RAPH1: variants seen among roughly 807,000 people sequenced by gnomAD.
RAPH1 encodes Ras association (RalGDS/AF-6) and pleckstrin homology domains 1.
Under a neutral mutation model 88.1 loss-of-function variants are expected in RAPH1, and 18 were observed. That is an observed-to-expected ratio of 0.20 (90% CI 0.14 to 0.30). The LOEUF is 0.30. Ranked by LOEUF, RAPH1 falls within the 10% of genes least tolerant of loss-of-function variation. RAPH1 has a pLI of 1.00. For synonymous variants in RAPH1, 587 were observed against 559.0 expected (o/e 1.05, Z -0.71); for missense variants, 1,448 against 1,543.2 (o/e 0.94, Z 1.03).
chr2:203,505,944 G>C (rs966727677), intron 1 of RAPH1, among the ~76,000 whole-genome samples: 4 of 152,176 alleles, frequency 2.6e-5, no homozygotes, highest in South Asian at 2.1e-4. Flanking sequence ...CTGATGTTGT[G>C]CATGTCCACT....
intron 4 of RAPH1, among the ~76,000 whole-genome samples, chr2:203,474,407 G>C (rs1478015470): frequency 6.6e-6 from 1 of 152,212 alleles, no homozygotes; most frequent in Non-Finnish European, 1.5e-5. Context: ...GAGAGTCGCA[G>C]AGATGGGAAA....
At chr2:203,441,840 C>T in intron 13 of RAPH1, 2 of 1,329,632 alleles carry the variant, frequency 1.5e-6, no homozygotes, top group Non-Finnish European at 9.6e-7. Context: ...TCCATGACTG[C>T]ATCCACATCA....
At chr2:203,531,363 C>T (rs1442561856) in intron 1 of RAPH1, among the ~76,000 whole-genome samples, 1 of 152,016 alleles carries the variant, frequency 6.6e-6, no homozygotes, top group Non-Finnish European at 1.5e-5. Flanking sequence ...ATGTAACAAA[C>T]CTGCACGTTG....
chr2:203,470,336 A>G (rs757960451), intron 4 of RAPH1: 7 of 1,559,396 alleles, frequency 4.5e-6, no homozygotes, highest in Non-Finnish European at 6.1e-6. Context: ...AGAGAAAAAC[A>G]AACAAAAAAA....
rs1324524862 is a variant in RAPH1 at position 203,459,908 on chromosome 2, T to G, written c.1091A>C (p.Gln364Pro). ...CCTCTGTAAGTTGTTTGGTCTTACCTGTGGGTTTTTGAAAAGTGCATATTT... is the reference window on the plus strand; with the variant it reads ...CCTCTGTAAGTTGTTTGGTCTTACCGGTGGGTTTTTGAAAAGTGCATATTT... The part of the protein sequence containing the change: ...IEKYALFKNP[Q>P]NYLLGKKETA... Residue 364 changes from glutamine to proline, a missense_variant and splice_region_variant, in exon 7 of 14, where the codon CAG becomes CCG. Around this residue, in one of 2 missense-constraint regions of RAPH1, gnomAD observed 513 missense variants for 653.1 expected, o/e 0.79. Transcript: ENST00000319170. 6.2e-7 allele frequency: 1 copy of G among 1,612,554 alleles called. No homozygotes were observed. Among genetic ancestry groups the G allele is most frequent in the Non-Finnish European group, 8.5e-7 (1 of 1,179,436 alleles).
At position 203,490,010 on chromosome 2, in the gene RAPH1, G is replaced by A. The variant is rs1299637968; in HGVS notation, c.306C>T (p.Ser102=). Residue 102 remains serine (S), a synonymous_variant, in exon 4 of 14, where the codon AGC becomes AGT. Coordinates refer to ENST00000319170, the MANE Select transcript of RAPH1 (RefSeq NM_213589.3). ...DLCSIEQELS[S]IGSGNSKRQI... is the part of the protein sequence containing the mutation. ...GACGCTTACTGTTTCCTGAACCAAT[G>A]CTGCTGAGCTCCTGCTCTATAGAGC... is the stretch of plus-strand genomic sequence containing the variant. The A allele has an allele frequency of 3.1e-6, 5 of 1,614,176 alleles. No homozygotes were observed. In the South Asian group the frequency reaches 3.3e-5, roughly 11 times the overall value.
intron 1 of RAPH1, among the ~76,000 whole-genome samples, chr2:203,521,634 A>T (rs909506631): frequency 6.6e-6 from 1 of 151,754 alleles, no homozygotes; most frequent in African/African-American, 2.4e-5. Context: ...TTTCAAAATT[A>T]AAAACAAATT....
At chr2:203,469,288 C>A (rs913319407) in intron 4 of RAPH1, among the ~76,000 whole-genome samples, 3 of 152,174 alleles carry the variant, frequency 2.0e-5, no homozygotes, top group South Asian at 2.1e-4. Context: ...TTCTACACTT[C>A]CCTGATCTTT....
At position 203,445,137 on chromosome 2, in the gene RAPH1, CTCATTTCATCA is replaced by C. The variant is rs1474258099; in HGVS notation, c.1634-138_1634-128del. 18 of 698,934 alleles carry C rather than the reference CTCATTTCATCA, an allele frequency of 2.6e-5. No individual in the cohort carries two copies. In the African/African-American group the frequency reaches 3.1e-4, roughly 12 times the overall value. 43.3% of individuals were successfully genotyped at this position (698,934 alleles called of 1,614,324 possible). On this transcript the variant is annotated intron_variant, in intron 12 of 13. Coordinates refer to ENST00000319170, the MANE Select transcript of RAPH1 (RefSeq NM_213589.3). ...TGTACAACAGCACCAAGTTATTTTA[CTCATTTCATCA>C]TAAACACAGCCAGTATTTTCTACTA...
In RAPH1 at chr2:203,444,919, G is replaced by A. The variant is rs377610950; in HGVS notation, c.1725C>T (p.Ser575=). 1.9e-5 allele frequency: 30 copies of A among 1,614,054 alleles called. No individual in the cohort carries two copies. In the South Asian group the frequency reaches 2.5e-4, roughly 14 times the overall value. The change falls in exon 13 of 14, where the codon TCC becomes TCT. Residue 575 remains serine (S), a synonymous_variant. Transcript: ENST00000319170. ...CTCGTTTCCAGGCTTCAGAGAATACGGAGCTCACAATGCTCTGGGAACGGA... is the reference window on the plus strand; with the variant it reads ...CTCGTTTCCAGGCTTCAGAGAATACAGAGCTCACAATGCTCTGGGAACGGA... ...GHVRSQSIVS[S]VFSEAWKRGT...
chr2:203,522,405 C>T (rs1581407708), intron 1 of RAPH1, among the ~76,000 whole-genome samples: 1 of 152,190 alleles, frequency 6.6e-6, no homozygotes, highest in East Asian at 1.9e-4. Flanking sequence ...ATAAACATTG[C>T]TGTGTAAGCT....
At chr2:203,531,948 CTCAAGGCAGCATTAT>C (rs1313902827) in intron 1 of RAPH1, among the ~76,000 whole-genome samples, 1 of 152,174 alleles carries the variant, frequency 6.6e-6, no homozygotes, top group African/African-American at 2.4e-5. Flanking sequence ...TATACCAATA[CTCAAGGCAGCATTAT>C]TCACAGTACC....
rs1342305421 is a variant in RAPH1, at chr2:203,438,077, C to T, written c.*1360G>A. The stretch of plus-strand genomic sequence containing the variant: ...ACTGACTCCACGTTATACCAAACTG[C>T]ACACGCATAAAACGTAATGTCAGTT... On this transcript the variant is annotated 3_prime_UTR_variant, in exon 14 of 14. Transcript: ENST00000319170. The T allele has an allele frequency of 2.0e-6, 1 of 507,084 alleles. No homozygotes were observed. Among genetic ancestry groups the T allele is most frequent in the East Asian group, 5.6e-5 (1 of 17,990 alleles). The allele number at this position is 507,084 out of a possible 1,614,324, so 31.4% of individuals were successfully genotyped here.
At chr2:203,528,299 C>T (rs991748352) in intron 1 of RAPH1, among the ~76,000 whole-genome samples, 1 of 152,048 alleles carries the variant, frequency 6.6e-6, no homozygotes, top group African/African-American at 2.4e-5. Flanking sequence ...TATCTACACA[C>T]TCTAAGAACA....
chr2:203,489,744 G>A lies in RAPH1; in HGVS notation c.572C>T (p.Ala191Val), dbSNP rs1331420008. Residue 191 changes from alanine to valine, a missense_variant, in exon 4 of 14, where the codon GCG becomes GTG. Coordinates refer to ENST00000319170, the MANE Select transcript of RAPH1 (RefSeq NM_213589.3). Reference sequence around the variant, plus strand: ...AGCATCACTCACTGTGCCTGCTGACGCGGTTCTTCTGTGCTGATTAGTTAC... The same window carrying A: ...AGCATCACTCACTGTGCCTGCTGACACGGTTCTTCTGTGCTGATTAGTTAC... ...PLVTNQHRRT[A>V]SAGTVSDAEV... is the part of the protein sequence containing the mutation. The A allele has an allele frequency of 1.1e-5, 18 of 1,614,018 alleles. No homozygotes were observed. The highest frequency in any genetic ancestry group is 1.6e-4 in the Middle Eastern group (1 of 6,084).
intron 1 of RAPH1, among the ~76,000 whole-genome samples, chr2:203,516,245 A>G (rs2105944374): frequency 6.6e-6 from 1 of 152,356 alleles, no homozygotes; most frequent in Admixed American, 6.5e-5. Flanking sequence ...CCGCTAAAAA[A>G]AAGTAAGAGA....
At chr2:203,506,852 A>ATATC (rs202033259) in intron 1 of RAPH1, among the ~76,000 whole-genome samples, 9 of 38,984 alleles carry the variant, frequency 2.3e-4, no homozygotes, top group Non-Finnish European at 3.7e-4. Flanking sequence ...ATATCTATCT[A>ATATC]TATCTATATA....
chr2:203,488,304 T>C lies in RAPH1; in HGVS notation c.732+1280A>G, dbSNP rs150445408. Among the ~76,000 whole-genome samples the C allele has an allele frequency of 4.6e-3, 688 of 149,916 alleles. 4 individuals carry two copies. The highest frequency in any genetic ancestry group is 0.015 in the South Asian group (69 of 4,732). On this transcript the variant is annotated intron_variant, in intron 4 of 13. Transcript: ENST00000319170. Reference sequence around the variant, plus strand: ...CCCTATCAGGAAGGCAGATATAGTATTACGAACTCTGGCTGGGCGCAGTGG... The same window carrying C: ...CCCTATCAGGAAGGCAGATATAGTACTACGAACTCTGGCTGGGCGCAGTGG...
chr2:203,508,908 G>T (rs1052147572), intron 1 of RAPH1, among the ~76,000 whole-genome samples: 31 of 151,810 alleles, frequency 2.0e-4, no homozygotes, highest in African/African-American at 7.3e-4. Flanking sequence ...CCAATATATG[G>T]TTTTTATTAT....
Sources: gnomAD v4.1 joint callset for allele counts (sites outside exome capture counted in the v4.1 genomes callset) on GRCh38, gnomAD v4.1.1 for gene constraint, gnomAD v4.1.1 regional missense constraint, MANE v1.5 for transcripts, NCBI Gene and HGNC (gene_info 2026-07-23, HGNC 2026-07-21) for gene names.